Variants in AK5 observed in about 807,000 individuals in gnomAD.
AK5 encodes the protein adenylate kinase isoenzyme 5.
AK5 carries 27 observed loss-of-function variants against 69.5 expected under a neutral mutation model. The observed-to-expected ratio is 0.39, with a 90% CI of 0.29 to 0.54. AK5 has a LOEUF of 0.54. Among genes scored for constraint, AK5 ranks in the 20% least tolerant of loss-of-function variants. The pLI, the probability that AK5 is intolerant of heterozygous loss-of-function variation, is 0.71. For synonymous variants in AK5, 260 were observed against 244.4 expected, an observed-to-expected ratio of 1.06 and a Z score of -0.60; for missense variants, 531 against 700.4, an observed-to-expected ratio of 0.76 and a Z score of 2.73.
At chr1:77,536,129 A>C (rs1195323347) in intron 13 of AK5, 91 bp downstream of exon 13, 1 of 1,375,000 alleles carries the variant, frequency 7.3e-7, no homozygotes, top group Non-Finnish European at 9.7e-7. Context: ...CATTTTAGTT[A>C]AGGGATCTGG....
At chr1:77,399,794 A>G (rs924105669) in intron 6 of AK5, among the ~76,000 whole-genome samples, 1 of 152,242 alleles carries the variant, frequency 6.6e-6, no homozygotes, top group Non-Finnish European at 1.5e-5. Flanking sequence ...TCAGCAAACT[A>G]AAAGGCAGGG....
chr1:77,378,612 C>T (rs1200099491), intron 6 of AK5, among the ~76,000 whole-genome samples: 1 of 152,152 alleles, frequency 6.6e-6, no homozygotes, highest in Non-Finnish European at 1.5e-5. Context: ...TAAGCCATCG[C>T]ACCAGGCCAG....
intron 6 of AK5, among the ~76,000 whole-genome samples, chr1:77,362,745 A>G (rs570553353): frequency 6.6e-6 from 1 of 152,322 alleles, no homozygotes; most frequent in East Asian, 1.9e-4. Context: ...CTCCATGTTT[A>G]TATGTGTCAA....
chr1:77,364,983 C>T (rs982099535), intron 6 of AK5, among the ~76,000 whole-genome samples: 2 of 152,140 alleles, frequency 1.3e-5, no homozygotes, highest in African/African-American at 4.8e-5. Flanking sequence ...TTTACATTCC[C>T]AACAACAGTG....
At chr1:77,317,644 A>C (rs967125865) in intron 5 of AK5, among the ~76,000 whole-genome samples, 1 of 152,216 alleles carries the variant, frequency 6.6e-6, no homozygotes, top group Non-Finnish European at 1.5e-5. Context: ...CCCTGTCCTC[A>C]TTCTTTCCAC....
chr1:77,304,509 A>G (rs1936437), intron 5 of AK5, among the ~76,000 whole-genome samples: 149,642 of 151,844 alleles, frequency 0.99, 73,774 homozygotes, highest in Middle Eastern at 1. Context: ...GGGTTCAAGC[A>G]ATTCTCCTGC....
intron 5 of AK5, 87 bp downstream of exon 5, chr1:77,298,034 C>A: frequency 1.1e-6 from 1 of 921,778 alleles, no homozygotes; most frequent in Non-Finnish European, 1.6e-6. Flanking sequence ...GGAAGACTTG[C>A]GATGCTTTTG....
At chr1:77,419,176 T>G (rs1216074241) in intron 8 of AK5, among the ~76,000 whole-genome samples, 3 of 151,300 alleles carry the variant, frequency 2.0e-5, no homozygotes, top group African/African-American at 7.3e-5. Context: ...AAGAAAGAGG[T>G]TGTGCTGCCT....
intron 10 of AK5, among the ~76,000 whole-genome samples, chr1:77,514,610 C>T (rs144572509): frequency 2.5e-4 from 38 of 151,742 alleles, no homozygotes; most frequent in Middle Eastern, 3.4e-3. Context: ...ACAGTGCCTG[C>T]GCCATTTGGC....
intron 8 of AK5, among the ~76,000 whole-genome samples, chr1:77,467,367 C>G (rs1231712029): frequency 6.6e-6 from 1 of 152,186 alleles, no homozygotes; most frequent in Non-Finnish European, 1.5e-5. Flanking sequence ...ATTTCTCCTT[C>G]CACCCCACAG....
chr1:77,448,631 C>A (rs1158895364), intron 8 of AK5, among the ~76,000 whole-genome samples: 2 of 152,246 alleles, frequency 1.3e-5, no homozygotes, highest in Non-Finnish European at 2.9e-5. Context: ...GGTTGCAGGA[C>A]AAGCACTTGG....
At chr1:77,536,080 T>G in intron 13 of AK5, 42 bp downstream of exon 13, 1 of 341,364 alleles carries the variant, frequency 2.9e-6, no homozygotes, top group South Asian at 8.8e-5. Flanking sequence ...GCCGCTTACC[T>G]TTTTTTTTTT....
chr1:77,508,121 C>T (rs933760394), intron 10 of AK5, among the ~76,000 whole-genome samples: 7 of 152,166 alleles, frequency 4.6e-5, no homozygotes, highest in African/African-American at 1.7e-4. Context: ...ATGCAAGTAT[C>T]CCAAAATAAA....
intron 6 of AK5, among the ~76,000 whole-genome samples, chr1:77,381,773 A>G (rs1334541543): frequency 6.6e-6 from 1 of 152,198 alleles, no homozygotes; most frequent in Non-Finnish European, 1.5e-5. Flanking sequence ...AGAGTTCTCT[A>G]TTTTGTATAT....
At chr1:77,359,771 T>C (rs561366907) in intron 6 of AK5, among the ~76,000 whole-genome samples, 2 of 152,346 alleles carry the variant, frequency 1.3e-5, no homozygotes, top group African/African-American at 4.8e-5. Context: ...TAGCTTTACT[T>C]CACATTATTT....
chr1:77,547,199 A>G (rs1383408692), intron 13 of AK5, among the ~76,000 whole-genome samples: 2 of 152,190 alleles, frequency 1.3e-5, no homozygotes, highest in Non-Finnish European at 2.9e-5. Flanking sequence ...TAATTTAACA[A>G]TATATTTTAT....
At position 77,356,043 on chromosome 1, in the gene AK5, C is replaced by G. The variant is rs116959286; in HGVS notation, c.891+15475C>G. 9.4e-4 allele frequency among the ~76,000 whole-genome samples: 143 copies of G among 152,258 alleles called. 4 individuals are homozygous for G. In the East Asian group the frequency reaches 0.027, roughly 28 times the overall value. On this transcript the variant is annotated intron_variant, in intron 6 of 13. Coordinates refer to ENST00000354567, the MANE Select transcript of AK5 (RefSeq NM_174858.3). Reference sequence around the variant, plus strand: ...GCAGTTGATCATAGGTAACACCTTTCAAGATCTCTAGTCTTTAAATTGCTG... The same window carrying G: ...GCAGTTGATCATAGGTAACACCTTTGAAGATCTCTAGTCTTTAAATTGCTG...
intron 6 of AK5, among the ~76,000 whole-genome samples, chr1:77,396,045 GA>G (rs1199660489): frequency 6.6e-6 from 1 of 152,136 alleles, no homozygotes; most frequent in Non-Finnish European, 1.5e-5. Flanking sequence ...TTTTCTGTAT[GA>G]TCCACAATTC....
intron 5 of AK5, among the ~76,000 whole-genome samples, chr1:77,326,415 T>C (rs747038634): frequency 7.2e-5 from 11 of 152,114 alleles, no homozygotes; most frequent in Non-Finnish European, 1.2e-4. Flanking sequence ...AAAAAAAAGA[T>C]ACCAGTTTGC....
Sources: gnomAD v4.1 joint callset for allele counts (sites outside exome capture counted in the v4.1 genomes callset) on GRCh38, gnomAD v4.1.1 for gene constraint, MANE v1.5 for transcripts, NCBI Gene and HGNC (gene_info 2026-07-23, HGNC 2026-07-21) for gene names.